Variants in PIK3C2A observed in about 807,000 individuals in gnomAD.
The protein encoded by PIK3C2A is phosphatidylinositol 4-phosphate 3-kinase C2 domain-containing subunit alpha.
Under a neutral mutation model 204.5 loss-of-function variants are expected in PIK3C2A, and 97 were observed. The ratio of observed to expected loss-of-function variants is 0.47; its 90% CI spans 0.40 to 0.56. The LOEUF is 0.56. Ranked by LOEUF, PIK3C2A falls within the 20% of genes least tolerant of loss-of-function variation. The probability of loss-of-function intolerance (pLI) is 0.00; values close to 1 mark genes in which losing one functional copy is unlikely to be tolerated. For synonymous variants in PIK3C2A, 653 were observed against 664.4 expected, an observed-to-expected ratio of 0.98 and a Z score of 0.26; for missense variants, 1,735 against 1,969.2, an observed-to-expected ratio of 0.88 and a Z score of 2.25.
chr11:17,109,796 A>G (rs1183157197), intron 22 of PIK3C2A, among the ~76,000 whole-genome samples: 1 of 152,080 alleles, frequency 6.6e-6, no homozygotes, highest in Non-Finnish European at 1.5e-5. Flanking sequence ...TTGGCCTCCT[A>G]AAATGCTGGG....
At chr11:17,189,183 G>A (rs1851856742) in intron 1 of PIK3C2A, among the ~76,000 whole-genome samples, 1 of 147,098 alleles carries the variant, frequency 6.8e-6, no homozygotes, top group Non-Finnish European at 1.5e-5. Context: ...AACTACAGCT[G>A]CAACAAAGCA....
chr11:17,151,674 A>G (rs969740162), intron 3 of PIK3C2A, among the ~76,000 whole-genome samples: 6 of 152,156 alleles, frequency 3.9e-5, no homozygotes, highest in African/African-American at 1.4e-4. Flanking sequence ...TGGGGGTAAT[A>G]CTACTACTTA....
intron 17 of PIK3C2A, 113 bp from the exon 18 acceptor site, chr11:17,118,852 A>T: frequency 1.7e-6 from 1 of 575,382 alleles, no homozygotes; most frequent in Non-Finnish European, 3.1e-6. Flanking sequence ...CTGATGAAAG[A>T]TGATACTTAT....
chr11:17,093,246 T>C (rs1035981586), intron 28 of PIK3C2A, among the ~76,000 whole-genome samples: 1 of 152,236 alleles, frequency 6.6e-6, no homozygotes, highest in Non-Finnish European at 1.5e-5. Context: ...AGATTTTGAT[T>C]GACAGTCTCG....
At chr11:17,129,628 G>T (rs1431603034) in intron 12 of PIK3C2A, among the ~76,000 whole-genome samples, 161 bp from the exon 13 acceptor site, 2 of 152,130 alleles carry the variant, frequency 1.3e-5, no homozygotes, top group Non-Finnish European at 2.9e-5. Context: ...TTTTTGCTCT[G>T]TTGCCTAGGC....
At chr11:17,160,996 C>T (rs998189319) in intron 2 of PIK3C2A, among the ~76,000 whole-genome samples, 1 of 152,024 alleles carries the variant, frequency 6.6e-6, no homozygotes, top group Non-Finnish European at 1.5e-5. Context: ...ACATGGATGG[C>T]CTTGACCTCA....
chr11:17,142,594 T>G (rs1850099745), intron 8 of PIK3C2A, among the ~76,000 whole-genome samples: 1 of 152,100 alleles, frequency 6.6e-6, no homozygotes, highest in Non-Finnish European at 1.5e-5. Context: ...GCAAGATGAT[T>G]GTTTGAGCCC....
At chr11:17,180,746 C>T (rs779445392) in intron 1 of PIK3C2A, among the ~76,000 whole-genome samples, 1 of 152,094 alleles carries the variant, frequency 6.6e-6, no homozygotes, top group Non-Finnish European at 1.5e-5. Flanking sequence ...CACTTGAACC[C>T]GGGAGGCAGA....
At position 17,110,479 on chromosome 11, in the gene PIK3C2A, T is replaced by G. The variant is rs747705657; in HGVS notation, c.3497A>C (p.Asp1166Ala). Reference protein sequence around the residue: ...MDKIWLKEGLDLRMVIFKCLS... With the variant: ...MDKIWLKEGLALRMVIFKCLS... ...ACATTTGAAAATTACCATCCTCAGA[T>G]CTAGTCCTTCTTTAAGCCAGATCTT... is the stretch of plus-strand genomic sequence containing the variant. Residue 1166 changes from aspartate to alanine, a missense_variant, in exon 22 of 33, where the codon GAT becomes GCT. By Grantham distance (126) the Asp-to-Ala change is moderately radical. This residue lies in a region of PIK3C2A where 503 missense variants were observed against 669.0 expected (regional missense o/e 0.75). Coordinates refer to ENST00000691414, the MANE Select transcript of PIK3C2A (RefSeq NM_002645.4). 5 of 1,611,254 alleles carry G rather than the reference T, an allele frequency of 3.1e-6. No individual in the cohort carries two copies. The highest frequency in any genetic ancestry group is 4.2e-6 in the Non-Finnish European group (5 of 1,177,656).
intron 1 of PIK3C2A, chr11:17,204,219 T>C (rs919055311): frequency 1.3e-5 from 2 of 152,226 alleles, no homozygotes; most frequent in African/African-American, 2.4e-5. Flanking sequence ...GTGCCTGAAA[T>C]GTGGCTGTTC....
chr11:17,104,250 G>C (rs1269538482), intron 23 of PIK3C2A, among the ~76,000 whole-genome samples: 2 of 152,082 alleles, frequency 1.3e-5, no homozygotes, highest in African/African-American at 4.8e-5. Flanking sequence ...ACAGAAAATT[G>C]ATGTTTCCAG....
intron 8 of PIK3C2A, among the ~76,000 whole-genome samples, chr11:17,137,663 C>T (rs946430862): frequency 3.3e-5 from 5 of 152,166 alleles, no homozygotes; most frequent in South Asian, 2.1e-4. Flanking sequence ...CCCGCCTCAG[C>T]CTCCCAAAGT....
At chr11:17,121,646 G>A (rs1475013041) in intron 15 of PIK3C2A, among the ~76,000 whole-genome samples, 2 of 151,852 alleles carry the variant, frequency 1.3e-5, no homozygotes, top group East Asian at 1.9e-4. Context: ...CTTTTCACAA[G>A]GTATTTTAAT....
intron 1 of PIK3C2A, among the ~76,000 whole-genome samples, chr11:17,200,578 G>C (rs1591030444): frequency 2.6e-5 from 4 of 152,232 alleles, no homozygotes; most frequent in Admixed American, 2.6e-4. Flanking sequence ...CAAATGAGCT[G>C]TTGCCAGGGA....
intron 8 of PIK3C2A, among the ~76,000 whole-genome samples, chr11:17,140,163 C>G (rs1297469200): frequency 6.6e-6 from 1 of 152,126 alleles, no homozygotes; most frequent in Non-Finnish European, 1.5e-5. Flanking sequence ...GGCTGTAATC[C>G]TAGCTACCTG....
intron 1 of PIK3C2A, among the ~76,000 whole-genome samples, chr11:17,196,904 C>G (rs1440640448): frequency 6.6e-6 from 1 of 150,790 alleles, no homozygotes; most frequent in East Asian, 1.9e-4. Context: ...ATAGGGTAGT[C>G]AGGGAAAAAA....
intron 23 of PIK3C2A, among the ~76,000 whole-genome samples, chr11:17,103,067 G>A (rs781107829): frequency 1.3e-5 from 2 of 151,776 alleles, no homozygotes; most frequent in Non-Finnish European, 2.9e-5. Context: ...AAAAGTCTGG[G>A]ATCTCTACCA....
intron 4 of PIK3C2A, among the ~76,000 whole-genome samples, chr11:17,149,638 C>T (rs1290489376): frequency 6.6e-6 from 1 of 152,044 alleles, no homozygotes; most frequent in Non-Finnish European, 1.5e-5. Flanking sequence ...GGGTCTAACT[C>T]TGTCACCCTC....
chr11:17,147,385 T>A (rs1850275653), intron 6 of PIK3C2A, 132 bp downstream of exon 6: 1 of 600,418 alleles, frequency 1.7e-6, no homozygotes, highest in African/African-American at 1.9e-5. Flanking sequence ...CTAAGAAGAT[T>A]CCTGTTGAGG....
Sources: gnomAD v4.1 joint callset for allele counts (sites outside exome capture counted in the v4.1 genomes callset) on GRCh38, gnomAD v4.1.1 for gene constraint, gnomAD v4.1.1 regional missense constraint, MANE v1.5 for transcripts, NCBI Gene and HGNC (gene_info 2026-07-23, HGNC 2026-07-21) for gene names.